Variants in RFC1 observed in about 807,000 individuals in gnomAD.
The protein encoded by RFC1 is A1 140 kDa subunit.
RFC1 carries 37 observed loss-of-function variants against 137.4 expected under a neutral mutation model. That is an observed-to-expected ratio of 0.27 (90% CI 0.21 to 0.35). The LOEUF (loss-of-function observed/expected upper bound fraction) is 0.35, where lower values mean the gene tolerates loss of function less well. Among genes scored for constraint, RFC1 ranks in the 10% least tolerant of loss-of-function variants. The probability of loss-of-function intolerance (pLI) is 1.00; values close to 1 mark genes in which losing one functional copy is unlikely to be tolerated. For synonymous variants in RFC1, 429 were observed against 455.7 expected (o/e 0.94, Z 0.75); for missense variants, 1,205 against 1,358.5 (o/e 0.89, Z 1.78).
At chr4:39,354,928 A>G (rs1010057523) in intron 1 of RFC1, among the ~76,000 whole-genome samples, 2 of 151,678 alleles carry the variant, frequency 1.3e-5, no homozygotes, top group African/African-American at 4.8e-5. Context: ...CTAAAAATAC[A>G]AAAATTGGCC....
At chr4:39,359,932 G>A (rs1741668360) in intron 1 of RFC1, among the ~76,000 whole-genome samples, 1 of 151,956 alleles carries the variant, frequency 6.6e-6, no homozygotes, top group African/African-American at 2.4e-5. Context: ...CTACTTGGGT[G>A]ATGGGTGCAC....
At chr4:39,344,999 C>T (rs1429091540) in intron 3 of RFC1, among the ~76,000 whole-genome samples, 1 of 152,046 alleles carries the variant, frequency 6.6e-6, no homozygotes, top group Non-Finnish European at 1.5e-5. Flanking sequence ...TATCTCAGAA[C>T]ATAGTTGATT....
At chr4:39,300,452 A>G (rs1410406933) in intron 19 of RFC1, 38 bp from the exon 20 acceptor site, 1 of 1,519,150 alleles carries the variant, frequency 6.6e-7, no homozygotes, top group Non-Finnish European at 9.1e-7. Context: ...AGAATGGCCA[A>G]AATTCAAAAC....
At chr4:39,321,469 C>A in intron 7 of RFC1, 95 bp from the exon 8 acceptor site, 1 of 1,076,902 alleles carries the variant, frequency 9.3e-7, no homozygotes, top group Non-Finnish European at 1.4e-6. Flanking sequence ...TTAAGGGTCA[C>A]CTTTCAACTA....
At chr4:39,345,957 T>C (rs1740839186) in intron 2 of RFC1, among the ~76,000 whole-genome samples, 2 of 152,142 alleles carry the variant, frequency 1.3e-5, no homozygotes, top group Admixed American at 1.3e-4. Context: ...TATACCCTTA[T>C]TGGCTAAAAA....
chr4:39,366,147 C>A, intron 1 of RFC1, 92 bp downstream of exon 1: 1 of 1,389,758 alleles, frequency 7.2e-7, no homozygotes, highest in Non-Finnish European at 9.7e-7. Context: ...CCGCCATCCT[C>A]CCCCACCCTG....
In RFC1 at chr4:39,295,779, A is replaced by G; in HGVS notation, c.2809-20T>C. The G allele has an allele frequency of 6.2e-7, 1 of 1,604,524 alleles. No homozygotes were observed. Among genetic ancestry groups the G allele is most frequent in the Non-Finnish European group, 8.5e-7 (1 of 1,175,328 alleles). ...AATGGCCTGAAAAAAAATCAATTGC[A>G]GTCCAGAATTTATGTTCCGTACAAA... is the stretch of plus-strand genomic sequence containing the variant. On this transcript the variant is annotated intron_variant, in intron 21 of 24. Transcript: ENST00000349703.
chr4:39,327,520 T>C lies in RFC1; in HGVS notation c.564+4A>G. On this transcript the variant is annotated splice_donor_region_variant and intron_variant, in intron 5 of 24. Coordinates refer to ENST00000349703, the MANE Select transcript of RFC1 (RefSeq NM_002913.5). The stretch of plus-strand genomic sequence containing the variant: ...GCATACTTGCTTATATGTAGAACAC[T>C]TACCTCTTTTCTTTTGCTTGCCACC... 6.3e-7 allele frequency: 1 copy of C among 1,598,022 alleles called. No individual in the cohort carries two copies. Among genetic ancestry groups the C allele is most frequent in the Non-Finnish European group, 8.6e-7 (1 of 1,169,306 alleles).
chr4:39,306,617 G>C lies in RFC1; in HGVS notation c.1970C>G (p.Thr657Ser), dbSNP rs749270095. Reference protein sequence around the residue: ...LLSGPPGVGKTTTASLVCQEL... With the variant: ...LLSGPPGVGKSTTASLVCQEL... ...CTGACACACCAGGGAAGCTGTGGTG[G>C]TTTTGCCAACACCAGGAGGGCCTGA... The change falls in exon 14 of 25, where the codon ACC (threonine) becomes AGC (serine). Residue 657 changes from threonine (T) to serine (S), a missense_variant. By Grantham distance (58) the Thr-to-Ser change is moderately conservative (BLOSUM62 1). Around this residue, in one of 3 missense-constraint regions of RFC1, gnomAD observed 962 missense variants for 1,035.3 expected, o/e 0.93. Transcript: ENST00000349703. 1 of 1,609,744 alleles carries C rather than the reference G, an allele frequency of 6.2e-7. No homozygotes were observed. The highest frequency in any genetic ancestry group is 1.7e-5 in the Admixed American group (1 of 59,998).
intron 4 of RFC1, among the ~76,000 whole-genome samples, chr4:39,340,120 A>G (rs1295115925): frequency 2.6e-5 from 4 of 152,242 alleles, no homozygotes; most frequent in Non-Finnish European, 1.5e-5. Flanking sequence ...ACATATAAGT[A>G]AACTAAAACA....
chr4:39,334,987 C>A (rs1227301784), intron 4 of RFC1, among the ~76,000 whole-genome samples: 4 of 151,666 alleles, frequency 2.6e-5, no homozygotes. Flanking sequence ...ATTTAAAAGG[C>A]AAAAAGGAAA....
intron 1 of RFC1, among the ~76,000 whole-genome samples, chr4:39,361,907 C>T (rs1362921004): frequency 1.3e-5 from 2 of 151,892 alleles, no homozygotes; most frequent in Non-Finnish European, 2.9e-5. Flanking sequence ...GGTGCAGTGG[C>T]GGGCGCCTGT....
chr4:39,355,129 ACACACAC>A (rs1741407485), intron 1 of RFC1, among the ~76,000 whole-genome samples: 1 of 127,506 alleles, frequency 7.8e-6, no homozygotes, highest in South Asian at 2.7e-4. Flanking sequence ...ACACACACAC[ACACACAC>A]AACAGGCCAG....
chr4:39,288,746 T>C lies in RFC1; in HGVS notation c.*15A>G. 6.4e-7 allele frequency: 1 copy of C among 1,558,122 alleles called. No homozygotes were observed. Among genetic ancestry groups the C allele is most frequent in the South Asian group, 1.1e-5 (1 of 89,512 alleles). ...AGGGAGAGTAAAAAGTGGCTGTCGC[T>C]AGTGAAAAATGGTTTCATTTCTTCG... On this transcript the variant is annotated 3_prime_UTR_variant, in exon 25 of 25. Coordinates refer to ENST00000349703, the MANE Select transcript of RFC1 (RefSeq NM_002913.5).
chr4:39,351,601 T>C (rs1241517917), intron 1 of RFC1, 125 bp from the exon 2 acceptor site: 1 of 698,440 alleles, frequency 1.4e-6, no homozygotes, highest in Non-Finnish European at 2.2e-6. Flanking sequence ...CATACCAAGA[T>C]AGTTCCACGA....
chr4:39,321,013 T>C (rs981552435), intron 8 of RFC1, among the ~76,000 whole-genome samples: 6 of 152,184 alleles, frequency 3.9e-5, no homozygotes, highest in South Asian at 2.1e-4. Flanking sequence ...TCTTTATATA[T>C]TGAAATCCAC....
chr4:39,292,360 A>C (rs1328796899), intron 22 of RFC1, among the ~76,000 whole-genome samples: 2 of 152,134 alleles, frequency 1.3e-5, no homozygotes, highest in African/African-American at 4.8e-5. Context: ...CTTTTCTCCA[A>C]ATCTAAGAAA....
At chr4:39,315,247 A>C (rs1739181221) in intron 10 of RFC1, among the ~76,000 whole-genome samples, 1 of 152,356 alleles carries the variant, frequency 6.6e-6, no homozygotes, top group East Asian at 1.9e-4. Context: ...CCTTACCTGG[A>C]ATCTTAACAG....
At chr4:39,360,028 T>A (rs1356864872) in intron 1 of RFC1, among the ~76,000 whole-genome samples, 2 of 151,832 alleles carry the variant, frequency 1.3e-5, no homozygotes, top group Non-Finnish European at 2.9e-5. Context: ...ATAAAAAATT[T>A]AAAAATAATA....
Sources: gnomAD v4.1 joint callset for allele counts (sites outside exome capture counted in the v4.1 genomes callset) on GRCh38, gnomAD v4.1.1 for gene constraint, gnomAD v4.1.1 regional missense constraint, MANE v1.5 for transcripts, NCBI Gene and HGNC (gene_info 2026-07-23, HGNC 2026-07-21) for gene names.